The following SYN3 variants were observed in gnomAD, a reference collection of about 807,000 sequenced individuals.
SYN3 encodes the protein synapsin-3.
Under a neutral mutation model 65.8 loss-of-function variants are expected in SYN3, and 35 were observed. The observed-to-expected ratio is 0.53, with a 90% confidence interval of 0.41 to 0.70. The LOEUF (loss-of-function observed/expected upper bound fraction) is 0.70, where lower values mean the gene tolerates loss of function less well. Among genes scored for constraint, SYN3 ranks in the 30% least tolerant of loss-of-function variants. The pLI is 0.00. For synonymous variants in SYN3, 270 were observed against 292.9 expected (o/e 0.92, Z 0.80); for missense variants, 680 against 749.0 (o/e 0.91, Z 1.08).
At chr22:32,943,933 C>T (rs1043988715) in intron 3 of SYN3, among the ~76,000 whole-genome samples, 2 of 152,156 alleles carry the variant, frequency 1.3e-5, no homozygotes, top group African/African-American at 4.8e-5. Flanking sequence ...CACAGGAGCA[C>T]CCAGATTCAT....
At chr22:32,802,815 T>A (rs1164994041) in intron 6 of SYN3, among the ~76,000 whole-genome samples, 1 of 152,134 alleles carries the variant, frequency 6.6e-6, no homozygotes, top group Non-Finnish European at 1.5e-5. Context: ...CTGTGAAAAT[T>A]CACAGGAAGG....
intron 1 of SYN3, among the ~76,000 whole-genome samples, chr22:33,052,583 C>CGAAA (rs1556255520): frequency 2.8e-5 from 3 of 107,848 alleles, no homozygotes; most frequent in African/African-American, 9.0e-5. Flanking sequence ...AGAAGAGGAA[C>CGAAA]AAAAAAAAAA....
intron 4 of SYN3, among the ~76,000 whole-genome samples, chr22:32,929,393 T>C (rs1206638388): frequency 1.3e-5 from 2 of 152,238 alleles, no homozygotes; most frequent in African/African-American, 2.4e-5. Flanking sequence ...TTTTTAAAAA[T>C]AACCTGTGTG....
At chr22:32,544,949 T>C (rs1411907049) in intron 7 of SYN3, among the ~76,000 whole-genome samples, 1 of 152,178 alleles carries the variant, frequency 6.6e-6, no homozygotes, top group African/African-American at 2.4e-5. Flanking sequence ...TGCACCCTGA[T>C]ATGGGGGGCA....
chr22:32,923,921 T>A (rs1471937973), intron 4 of SYN3, among the ~76,000 whole-genome samples: 1 of 151,992 alleles, frequency 6.6e-6, no homozygotes, highest in African/African-American at 2.4e-5. Flanking sequence ...AGCTCCCACT[T>A]ATAAATGAGA....
chr22:32,792,940 T>C (rs1439713343), intron 6 of SYN3, among the ~76,000 whole-genome samples: 1 of 152,216 alleles, frequency 6.6e-6, no homozygotes, highest in African/African-American at 2.4e-5. Context: ...CTTCCTTGAG[T>C]GTAAGAAATT....
intron 3 of SYN3, among the ~76,000 whole-genome samples, chr22:32,942,025 G>T (rs976873312): frequency 2.0e-5 from 3 of 152,242 alleles, no homozygotes; most frequent in African/African-American, 7.2e-5. Flanking sequence ...TGGGGGCAGG[G>T]CATAGCCGAA....
At chr22:32,717,613 T>C (rs1477505979) in intron 6 of SYN3, among the ~76,000 whole-genome samples, 1 of 152,140 alleles carries the variant, frequency 6.6e-6, no homozygotes, top group Non-Finnish European at 1.5e-5. Flanking sequence ...TTGGGCAAGC[T>C]GAGGGCTGGG....
intron 6 of SYN3, among the ~76,000 whole-genome samples, chr22:32,726,314 TG>T (rs1365266600): frequency 6.6e-6 from 1 of 152,180 alleles, no homozygotes; most frequent in Non-Finnish European, 1.5e-5. Flanking sequence ...AGCTAATTTT[TG>T]TATTTTTGGT....
rs565792844 is a variant in SYN3 at position 32,899,303 on chromosome 22, A to C, written c.462-30178T>G. ...CAATGAAAATGGCAATAATGAACAC[A>C]TATTGAGCACTTACTATACACAGGG... On this transcript the variant is annotated intron_variant, in intron 4 of 13. Coordinates refer to ENST00000358763, the MANE Select transcript of SYN3 (RefSeq NM_003490.4). 1.0e-3 allele frequency among the ~76,000 whole-genome samples: 153 copies of C among 152,166 alleles called. 1 individual carries two copies. Among genetic ancestry groups the C allele is most frequent in the Admixed American group, 2.1e-3 (32 of 15,276 alleles).
intron 6 of SYN3, among the ~76,000 whole-genome samples, chr22:32,618,055 G>A (rs1270808880): frequency 6.6e-6 from 1 of 152,136 alleles, no homozygotes; most frequent in Non-Finnish European, 1.5e-5. Flanking sequence ...GCCTATCTCA[G>A]TCCCTTCTTA....
At chr22:32,804,136 T>C (rs1488326291) in intron 6 of SYN3, among the ~76,000 whole-genome samples, 1 of 152,092 alleles carries the variant, frequency 6.6e-6, no homozygotes, top group Non-Finnish European at 1.5e-5. Context: ...ACCAGGAGAT[T>C]GTGGAATCAA....
intron 6 of SYN3, among the ~76,000 whole-genome samples, chr22:32,699,421 C>T (rs1236009779): frequency 1.3e-5 from 2 of 152,178 alleles, no homozygotes; most frequent in Non-Finnish European, 2.9e-5. Flanking sequence ...CCCCTCTGTG[C>T]AGGAATGTTC....
intron 3 of SYN3, among the ~76,000 whole-genome samples, chr22:32,934,777 A>C (rs2050726928): frequency 6.6e-6 from 1 of 152,252 alleles, no homozygotes; most frequent in Non-Finnish European, 1.5e-5. Flanking sequence ...GATGTAATCC[A>C]GTTAAGGATA....
intron 3 of SYN3, among the ~76,000 whole-genome samples, chr22:32,952,045 A>T (rs1021100819): frequency 6.6e-6 from 1 of 152,134 alleles, no homozygotes; most frequent in Non-Finnish European, 1.5e-5. Flanking sequence ...GGGATCAGTG[A>T]CTTCCTTGGC....
At chr22:32,947,848 G>A (rs1199716548) in intron 3 of SYN3, among the ~76,000 whole-genome samples, 2 of 152,206 alleles carry the variant, frequency 1.3e-5, no homozygotes, top group African/African-American at 4.8e-5. Flanking sequence ...TAGCTTGGTT[G>A]GTTTCTCTGT....
intron 6 of SYN3, among the ~76,000 whole-genome samples, chr22:32,630,086 C>G (rs1212521750): frequency 1.3e-5 from 2 of 151,470 alleles, no homozygotes; most frequent in Non-Finnish European, 2.9e-5. Flanking sequence ...TGGGTTCAAG[C>G]AATTCTCCTG....
chr22:32,833,246 G>A (rs780547208), intron 6 of SYN3, among the ~76,000 whole-genome samples: 7 of 152,094 alleles, frequency 4.6e-5, no homozygotes, highest in Non-Finnish European at 8.8e-5. Flanking sequence ...TGAGATGGTC[G>A]AAGGACATGG....
chr22:32,521,413 A>C (rs1033118119), intron 12 of SYN3, among the ~76,000 whole-genome samples: 1 of 151,624 alleles, frequency 6.6e-6, no homozygotes, highest in African/African-American at 2.4e-5. Flanking sequence ...GAGATGCTGG[A>C]AATCTAGATG....
Sources: gnomAD v4.1 joint callset for allele counts (sites outside exome capture counted in the v4.1 genomes callset) on GRCh38, gnomAD v4.1.1 for gene constraint, MANE v1.5 for transcripts, NCBI Gene and HGNC (gene_info 2026-07-23, HGNC 2026-07-21) for gene names.